DLL4: variants seen among roughly 807,000 people sequenced by gnomAD.
The protein encoded by DLL4 is delta like canonical Notch ligand 4.
DLL4 carries 7 observed loss-of-function variants against 73.6 expected under a neutral mutation model. The observed-to-expected ratio is 0.10, with a 90% confidence interval of 0.05 to 0.18. The LOEUF is 0.18. DLL4 is among the 10% of genes least tolerant of loss of function. The pLI is 1.00. For missense variants in DLL4, 614 were observed against 929.9 expected (o/e 0.66, Z 4.42); for synonymous variants, 345 against 374.3 (o/e 0.92, Z 0.90).
chr15:40,937,261 C>T (rs975365472), intron 9 of DLL4, among the ~76,000 whole-genome samples, 157 bp from the exon 10 acceptor site: 5 of 152,128 alleles, frequency 3.3e-5, no homozygotes, highest in African/African-American at 1.2e-4. Flanking sequence ...GGGCCTTTTC[C>T]TAAGTGCCCC....
chr15:40,933,583 A>G (rs1270941451), intron 6 of DLL4, among the ~76,000 whole-genome samples: 4 of 151,956 alleles, frequency 2.6e-5, no homozygotes, highest in Non-Finnish European at 5.9e-5. Flanking sequence ...TACCATTTCT[A>G]CCTGTTGAAA....
chr15:40,937,006 C>A (rs370678249), intron 9 of DLL4, 76 bp downstream of exon 9: 1 of 1,289,010 alleles, frequency 7.8e-7, no homozygotes. Context: ...TTAGGCCAGG[C>A]GGGAAGCAGT....
In DLL4 at chr15:40,932,460, G is replaced by A. The variant is rs1279985058; in HGVS notation, c.850+13G>A. The A allele has an allele frequency of 1.2e-6, 2 of 1,613,818 alleles. No individual in the cohort carries two copies. Among genetic ancestry groups the A allele is most frequent in the African/African-American group, 1.3e-5 (1 of 75,064 alleles). On this transcript the variant is annotated intron_variant, in intron 6 of 10. Coordinates refer to ENST00000249749, the MANE Select transcript of DLL4 (RefSeq NM_019074.4). Reference sequence around the variant, plus strand: ...TTTTGTGACCAAGGTGAGTCAGGGTGAAGAGAGGGTGCAGAGGGTGCAAGA... The same window carrying A: ...TTTTGTGACCAAGGTGAGTCAGGGTAAAGAGAGGGTGCAGAGGGTGCAAGA...
In DLL4 at chr15:40,936,477, C is replaced by T. The variant is rs1473925269; in HGVS notation, c.1490C>T (p.Thr497Ile). The change falls in exon 9 of 11, where the codon ACC becomes ATC. Residue 497 changes from threonine (T) to isoleucine (I), a missense_variant. By Grantham distance (89) the Thr-to-Ile change is moderately conservative. Transcript: ENST00000249749. ...SPCFNRATCYTDLSTDTFVCN... is the reference protein window; with the variant it reads ...SPCFNRATCYIDLSTDTFVCN... ...TGCTTCAACAGGGCCACCTGCTACA[C>T]CGACCTCTCCACAGACACCTTTGTG... 4 of 1,611,438 alleles carry T rather than the reference C, an allele frequency of 2.5e-6. No individual in the cohort carries two copies. Among genetic ancestry groups the T allele is most frequent in the Non-Finnish European group, 1.7e-6 (2 of 1,179,646 alleles).
In DLL4 at chr15:40,929,463, C is replaced by T. The variant is rs1404240485; in HGVS notation, c.-206C>T. ...CAGGATTAGACAGAAGACGCGTCCT[C>T]GGCGCGGTCGCCGCCCAGCCGTAGT... On this transcript the variant is annotated 5_prime_UTR_variant, in exon 1 of 11. Transcript: ENST00000249749. The surrounding 1 kb of genome is among the most constrained non-coding windows in gnomAD (Gnocchi z 7.1). 11 of 557,182 alleles carry T rather than the reference C, an allele frequency of 2.0e-5. No homozygotes were observed. The highest frequency in any genetic ancestry group is 3.1e-5 in the Non-Finnish European group (10 of 323,580). 34.5% of individuals were successfully genotyped at this position (557,182 alleles called of 1,614,324 possible).
At chr15:40,932,148 C>T in intron 4 of DLL4, 23 bp from the exon 5 acceptor site, 3 of 1,613,878 alleles carry the variant, frequency 1.9e-6, no homozygotes, top group Admixed American at 1.7e-5. Flanking sequence ...CCAGCCTCAC[C>T]CAGCTCTGTG....
At chr15:40,935,256 T>C (rs1315898704) in intron 8 of DLL4, 139 bp downstream of exon 8, 2 of 897,750 alleles carry the variant, frequency 2.2e-6, no homozygotes, top group Non-Finnish European at 3.4e-6. Context: ...AAGAGCTTGC[T>C]TGATCAGCTG....
intron 6 of DLL4, 148 bp from the exon 7 acceptor site, chr15:40,934,400 T>C (rs1596193865): frequency 1.7e-6 from 1 of 603,336 alleles, no homozygotes; most frequent in Non-Finnish European, 2.8e-6. Flanking sequence ...AAAGATTTTA[T>C]TGGTGGTGGA....
At position 40,934,958 on chromosome 15, in the gene DLL4, C is replaced by T; in HGVS notation, c.1081C>T (p.His361Tyr). Residue 361 changes from histidine to tyrosine, a missense_variant, in exon 8 of 11, where the codon CAC (histidine) becomes TAC (tyrosine). This residue lies in a region of DLL4 where 386 missense variants were observed against 541.3 expected (regional missense o/e 0.71). Transcript: ENST00000249749. ...GGGCTACTATGGCCTGCATTGTGAA[C>T]ACAGCACCTTGAGCTGCGCCGACTC... ...PPGYYGLHCEHSTLSCADSPC... is the reference protein window; with the variant it reads ...PPGYYGLHCEYSTLSCADSPC... 3 of 1,613,756 alleles carry T rather than the reference C, an allele frequency of 1.9e-6. No individual in the cohort carries two copies. Among genetic ancestry groups the T allele is most frequent in the Non-Finnish European group, 2.5e-6 (3 of 1,179,894 alleles).
In DLL4 at chr15:40,930,285, A is replaced by C; in HGVS notation, c.336+169A>C. 1.1e-6 allele frequency: 1 copy of C among 879,466 alleles called. No homozygotes were observed. The highest frequency in any genetic ancestry group is 1.7e-6 in the Non-Finnish European group (1 of 588,116). The allele number at this position is 879,466 out of a possible 1,614,324, so 54.5% of individuals were successfully genotyped here. On this transcript the variant is annotated intron_variant, in intron 2 of 10. Coordinates refer to ENST00000249749, the MANE Select transcript of DLL4 (RefSeq NM_019074.4). The surrounding 1 kb of genome is among the most constrained non-coding windows in gnomAD (Gnocchi z 5.7). ...ACTCTCTCCTGAGACTGATCCCAGA[A>C]AAGGCTCTCACCAGTCTCCGTCTTC... is the stretch of plus-strand genomic sequence containing the variant.
chr15:40,935,193 A>G, intron 8 of DLL4, 76 bp downstream of exon 8: 1 of 1,400,480 alleles, frequency 7.1e-7, no homozygotes. Flanking sequence ...GAGGGTCAGG[A>G]GAGGAGCGAG....
chr15:40,929,540 A>G lies in DLL4; in HGVS notation c.-129A>G. 1.1e-6 allele frequency: 1 copy of G among 877,844 alleles called. No individual in the cohort carries two copies. The highest frequency in any genetic ancestry group is 1.7e-6 in the Non-Finnish European group (1 of 594,976). 54.4% of individuals were successfully genotyped at this position (877,844 alleles called of 1,614,324 possible). A position where few individuals can be genotyped will look rare whatever the true frequency, so the allele number is the denominator to read the frequency against. On this transcript the variant is annotated 5_prime_UTR_variant, in exon 1 of 11. Transcript: ENST00000249749. This position sits in a 1 kb window ranked among gnomAD's most constrained non-coding sequence, Gnocchi z 7.1. ...GCAGCGGAGCCAGCGAGAAGGCCAA[A>G]GGGGAGCAGCGTCCCGAGAGGAGCG...
intron 9 of DLL4, 145 bp downstream of exon 9, chr15:40,937,075 G>C (rs1184114915): frequency 2.9e-6 from 2 of 682,946 alleles, no homozygotes; most frequent in Non-Finnish European, 4.9e-6. Context: ...TCTGTCAGGG[G>C]TCCTTTGTCC....
At position 40,937,137 on chromosome 15, in the gene DLL4, G is replaced by A. The variant is rs543633954; in HGVS notation, c.1943+207G>A. 2.6e-5 allele frequency among the ~76,000 whole-genome samples: 4 copies of A among 152,310 alleles called. No individual in the cohort carries two copies. In the East Asian group the frequency reaches 7.7e-4, roughly 29 times the overall value. On this transcript the variant is annotated intron_variant, in intron 9 of 10. Transcript: ENST00000249749. ...TTCACACATGTCAAGTGTCCCTAGGGTGTCTCTTGTGACTTCCGTCTTTCC... is the reference window on the plus strand; with the variant it reads ...TTCACACATGTCAAGTGTCCCTAGGATGTCTCTTGTGACTTCCGTCTTTCC...
Position 40,931,597 on chromosome 15 carries a change from C to T in DLL4, c.489C>T (p.Thr163=), listed in dbSNP as rs763342333. The change falls in exon 4 of 11, where the codon ACC becomes ACT. Residue 163 remains threonine, a synonymous_variant. Coordinates refer to ENST00000249749, the MANE Select transcript of DLL4 (RefSeq NM_019074.4). The part of the protein sequence containing the change: ...QNWLLDEQTS[T]LTRLRYSYRV... ...GGTTATTGGATGAGCAAACCAGCAC[C>T]CTCACAAGGCTGCGCTACTCTTACC... The T allele has an allele frequency of 3.1e-6, 5 of 1,613,050 alleles. No individual in the cohort carries two copies. Among genetic ancestry groups the T allele is most frequent in the Non-Finnish European group, 4.2e-6 (5 of 1,179,506 alleles).
chr15:40,929,716 G>T lies in DLL4; in HGVS notation c.48G>T (p.Leu16=), dbSNP rs893270432. Residue 16 remains leucine (L), a synonymous_variant, in exon 1 of 11, where the codon CTG becomes CTT. Coordinates refer to ENST00000249749, the MANE Select transcript of DLL4 (RefSeq NM_019074.4). This position sits in a 1 kb window ranked among gnomAD's most constrained non-coding sequence, Gnocchi z 7.1. ...RSASGWALLL[L]VALWQQRAAG... Reference sequence around the variant, plus strand: ...CCTCTGGCTGGGCGCTACTGCTGCTGGTGGCACTTTGGCAGCAGGTAACAC... The same window carrying T: ...CCTCTGGCTGGGCGCTACTGCTGCTTGTGGCACTTTGGCAGCAGGTAACAC... 1.9e-6 allele frequency: 3 copies of T among 1,597,550 alleles called. No individual in the cohort carries two copies. In the Middle Eastern group the frequency reaches 6.6e-4, roughly 351 times the overall value.
At position 40,930,071 on chromosome 15, in the gene DLL4, C is replaced by T. The variant is rs1409127812; in HGVS notation, c.291C>T (p.Gly97=). 4 of 1,607,264 alleles carry T rather than the reference C, an allele frequency of 2.5e-6. No homozygotes were observed. The highest frequency in any genetic ancestry group is 2.2e-5 in the East Asian group (1 of 44,592). Residue 97 remains glycine (G), a synonymous_variant, in exon 2 of 11, where the codon GGC becomes GGT. Transcript: ENST00000249749. The surrounding 1 kb of genome is among the most constrained non-coding windows in gnomAD (Gnocchi z 5.7). The part of the protein sequence containing the change: ...NSFAVRDDSS[G]GGRNPLQLPF... ...TCGCTGTCCGGGACGACAGTAGCGG[C>T]GGGGGGCGCAACCCTCTCCAACTGC...
At position 40,936,519 on chromosome 15, in the gene DLL4, G is replaced by C; in HGVS notation, c.1532G>C (p.Gly511Ala). Residue 511 changes from glycine to alanine, a missense_variant, in exon 9 of 11, where the codon GGC becomes GCC. This residue lies in a region of DLL4 where 386 missense variants were observed against 541.3 expected (regional missense o/e 0.71). Transcript: ENST00000249749. ...TDTFVCNCPY[G>A]FVGSRCEFPV... ...ACCTTTGTGTGCAACTGCCCTTATGGCTTTGTGGGCAGCCGCTGCGAGTTC... is the reference window on the plus strand; with the variant it reads ...ACCTTTGTGTGCAACTGCCCTTATGCCTTTGTGGGCAGCCGCTGCGAGTTC... 6.2e-7 allele frequency: 1 copy of C among 1,611,638 alleles called. No homozygotes were observed. The highest frequency in any genetic ancestry group is 8.5e-7 in the Non-Finnish European group (1 of 1,179,538).
intron 4 of DLL4, 35 bp downstream of exon 4, chr15:40,931,801 A>G (rs1384366790): frequency 6.2e-7 from 1 of 1,609,820 alleles, no homozygotes; most frequent in Non-Finnish European, 8.5e-7. Flanking sequence ...GTGGAAGGGG[A>G]GGGTCCCCTG....
Sources: allele counts gnomAD v4.1 joint callset (sites outside exome capture counted in the v4.1 genomes callset), GRCh38; gene constraint gnomAD v4.1.1; regional missense constraint gnomAD v4.1.1; non-coding constraint Gnocchi (gnomAD v3.1); transcripts MANE v1.5; gene names NCBI Gene and HGNC (gene_info 2026-07-23, HGNC 2026-07-21).